The following CACNA2D1 variants were observed in gnomAD, a reference collection of about 807,000 sequenced individuals.
The protein encoded by CACNA2D1 is voltage-dependent calcium channel subunit alpha-2/delta-1.
In CACNA2D1, 53 loss-of-function variants were observed where a neutral mutation model predicts 171.5. The observed-to-expected ratio is 0.31, with a 90% CI of 0.25 to 0.39. The LOEUF is 0.39. CACNA2D1 is among the 10% of genes least tolerant of loss of function. The pLI is 1.00. For synonymous variants in CACNA2D1, 442 were observed against 443.1 expected (o/e 1.00, Z 0.03); for missense variants, 903 against 1,299.8 (o/e 0.69, Z 4.69).
At chr7:82,324,360 A>AG (rs1444713581) in intron 3 of CACNA2D1, among the ~76,000 whole-genome samples, 3 of 147,874 alleles carry the variant, frequency 2.0e-5, no homozygotes, top group Non-Finnish European at 4.5e-5. Flanking sequence ...CTCCAAAAAA[A>AG]AAAAAAGAAG....
At chr7:82,103,338 A>G (rs1261884381) in intron 6 of CACNA2D1, among the ~76,000 whole-genome samples, 1 of 152,178 alleles carries the variant, frequency 6.6e-6, no homozygotes, top group Non-Finnish European at 1.5e-5. Context: ...AAAGTCTGGA[A>G]TGTGTTTAGA....
At chr7:82,001,028 A>G (rs1282810845) in intron 18 of CACNA2D1, among the ~76,000 whole-genome samples, 1 of 151,910 alleles carries the variant, frequency 6.6e-6, no homozygotes, top group Non-Finnish European at 1.5e-5. Flanking sequence ...TTGCTAAGCT[A>G]TAGGAAGTAT....
chr7:82,170,417 GCAA>G (rs1212756863), intron 4 of CACNA2D1, 130 bp downstream of exon 4: 1 of 823,170 alleles, frequency 1.2e-6, no homozygotes, highest in East Asian at 2.5e-5. Context: ...TATTTAAAAA[GCAA>G]CAAGTATGAT....
intron 1 of CACNA2D1, among the ~76,000 whole-genome samples, chr7:82,423,514 C>A (rs1026558858): frequency 2.0e-5 from 3 of 152,086 alleles, no homozygotes; most frequent in African/African-American, 7.2e-5. Flanking sequence ...AGTAAATGTT[C>A]TAAAGAGAAC....
intron 3 of CACNA2D1, among the ~76,000 whole-genome samples, chr7:82,332,873 C>A (rs528540567): frequency 1.3e-5 from 2 of 152,214 alleles, no homozygotes; most frequent in South Asian, 4.2e-4. Flanking sequence ...GTGGTACATG[C>A]CTGTAGTCCC....
At chr7:82,359,935 C>CA (rs1820896997) in intron 1 of CACNA2D1, among the ~76,000 whole-genome samples, 1 of 152,100 alleles carries the variant, frequency 6.6e-6, no homozygotes, top group South Asian at 2.1e-4. Flanking sequence ...TTAATTCTCA[C>CA]AAAAATCTAT....
chr7:82,298,728 A>G (rs1444191545), intron 3 of CACNA2D1, among the ~76,000 whole-genome samples: 2 of 152,046 alleles, frequency 1.3e-5, no homozygotes, highest in Admixed American at 1.3e-4. Context: ...CCAGCTCCAA[A>G]TGTCTAATGA....
intron 3 of CACNA2D1, among the ~76,000 whole-genome samples, chr7:82,221,493 C>T (rs1209452280): frequency 6.6e-6 from 1 of 152,108 alleles, no homozygotes; most frequent in Non-Finnish European, 1.5e-5. Context: ...GCCTGTAATT[C>T]TGGCACTTAA....
At chr7:82,266,088 C>G (rs1453053178) in intron 3 of CACNA2D1, among the ~76,000 whole-genome samples, 2 of 152,116 alleles carry the variant, frequency 1.3e-5, no homozygotes, top group Non-Finnish European at 2.9e-5. Flanking sequence ...TATATCAAGA[C>G]AGTCTTACAG....
intron 7 of CACNA2D1, among the ~76,000 whole-genome samples, chr7:82,074,624 T>C (rs1043441498): frequency 6.6e-6 from 1 of 152,202 alleles, no homozygotes; most frequent in African/African-American, 2.4e-5. Context: ...TGAACTCCTC[T>C]AGAGAAAAAT....
intron 3 of CACNA2D1, among the ~76,000 whole-genome samples, chr7:82,186,154 C>CA (rs1200955429): frequency 1.6e-4 from 15 of 95,002 alleles, no homozygotes; most frequent in South Asian, 3.9e-4. Context: ...GAAACTCTGT[C>CA]AAAAAAACAA....
intron 3 of CACNA2D1, among the ~76,000 whole-genome samples, chr7:82,221,795 G>C: frequency 6.8e-6 from 1 of 146,574 alleles, no homozygotes; most frequent in African/African-American, 2.5e-5. Context: ...AAAACACTAC[G>C]AATTCAGATA....
chr7:82,149,719 G>C (rs995763789), intron 4 of CACNA2D1, among the ~76,000 whole-genome samples: 4 of 150,994 alleles, frequency 2.6e-5, no homozygotes, highest in African/African-American at 4.9e-5. Context: ...ACAAGGTCAG[G>C]AGATCGAGAC....
chr7:82,353,454 G>C (rs1820072816), intron 1 of CACNA2D1, among the ~76,000 whole-genome samples: 1 of 152,184 alleles, frequency 6.6e-6, no homozygotes, highest in African/African-American at 2.4e-5. Context: ...TATACACTAG[G>C]CAATTGAATG....
chr7:81,961,316 T>C (rs1794086027), intron 36 of CACNA2D1, among the ~76,000 whole-genome samples: 1 of 152,008 alleles, frequency 6.6e-6, no homozygotes, highest in South Asian at 2.1e-4. Flanking sequence ...AAAGATATTT[T>C]ATGGATACTG....
intron 3 of CACNA2D1, among the ~76,000 whole-genome samples, chr7:82,273,751 C>T (rs970598806): frequency 2.6e-5 from 4 of 152,052 alleles, no homozygotes; most frequent in Non-Finnish European, 4.4e-5. Context: ...AAGTTGTGTG[C>T]GTATGCATGC....
intron 6 of CACNA2D1, among the ~76,000 whole-genome samples, chr7:82,105,488 T>C (rs2129041556): frequency 6.6e-6 from 1 of 151,442 alleles, no homozygotes; most frequent in Non-Finnish European, 1.5e-5. Flanking sequence ...TTAATGATTT[T>C]CTCCTCCAGG....
chr7:81,974,990 AC>A (rs1795686232), intron 24 of CACNA2D1, among the ~76,000 whole-genome samples: 1 of 151,966 alleles, frequency 6.6e-6, no homozygotes. Context: ...AATGCAACAA[AC>A]CTGCACGTTC....
At chr7:82,150,967 A>G (rs1793795760) in intron 4 of CACNA2D1, among the ~76,000 whole-genome samples, 1 of 152,160 alleles carries the variant, frequency 6.6e-6, no homozygotes. Context: ...AGTTTTAGTA[A>G]CTGTATTTAA....
Sources: allele counts gnomAD v4.1 joint callset (sites outside exome capture counted in the v4.1 genomes callset), GRCh38; gene constraint gnomAD v4.1.1; transcripts MANE v1.5; gene names NCBI Gene and HGNC (gene_info 2026-07-23, HGNC 2026-07-21).